NDUFS5: variants seen among roughly 807,000 people sequenced by gnomAD.
The protein encoded by NDUFS5 is NADH dehydrogenase [ubiquinone] iron-sulfur protein 5.
A neutral mutation model predicts 10.5 loss-of-function variants in NDUFS5; 7 were observed. That is an observed-to-expected ratio of 0.66 (90% CI 0.38 to 1.25). The LOEUF is 1.25. Among genes scored for constraint, NDUFS5 ranks in the 50% most tolerant of loss-of-function variants. The pLI, the probability that NDUFS5 is intolerant of heterozygous loss-of-function variation, is 0.02. For synonymous variants in NDUFS5, 38 were observed against 44.0 expected (o/e 0.86, Z 0.54); for missense variants, 148 against 140.7 (o/e 1.05, Z -0.26).
chr1:39,026,792 G>T (rs1456296802), intron 1 of NDUFS5, among the ~76,000 whole-genome samples: 2 of 152,204 alleles, frequency 1.3e-5, no homozygotes, highest in Non-Finnish European at 2.9e-5. Context: ...AGCACTTCCG[G>T]CTGTAACTCC....
At chr1:39,031,334 G>A (rs1557652409) in intron 2 of NDUFS5, among the ~76,000 whole-genome samples, 1 of 151,958 alleles carries the variant, frequency 6.6e-6, no homozygotes, top group Non-Finnish European at 1.5e-5. Flanking sequence ...TTTGAGACAG[G>A]GTCTTGTTCT....
intron 2 of NDUFS5, among the ~76,000 whole-genome samples, chr1:39,033,434 G>A (rs1264801688): frequency 6.6e-6 from 1 of 151,534 alleles, no homozygotes; most frequent in African/African-American, 2.4e-5. Flanking sequence ...TTAGCCGGGT[G>A]TGGTGGCGGG....
intron 2 of NDUFS5, among the ~76,000 whole-genome samples, chr1:39,033,791 C>T (rs1176218479): frequency 2.1e-5 from 3 of 145,524 alleles, no homozygotes; most frequent in Admixed American, 6.9e-5. Flanking sequence ...TGAGCCACCA[C>T]GGCCCAACTT....
rs1557653314 is a variant in NDUFS5, at chr1:39,034,540, T to C, written c.*44T>C. The C allele has an allele frequency of 1.3e-6, 2 of 1,530,602 alleles. No individual in the cohort carries two copies. The highest frequency in any genetic ancestry group is 1.8e-6 in the Non-Finnish European group (2 of 1,105,198). The allele number at this position is 1,530,602 out of a possible 1,614,324, so 94.8% of individuals were successfully genotyped here. A position where few individuals can be genotyped will look rare whatever the true frequency, so the allele number is the denominator to read the frequency against. On this transcript the variant is annotated 3_prime_UTR_variant, in exon 3 of 3. Transcript: ENST00000372969. ...TCTGGAGGCTGATTTTCCTGTTCTC[T>C]GTTCTCCACTGGAAAGGTTGTTTAC... is the stretch of plus-strand genomic sequence containing the variant.
chr1:39,029,219 CAG>C (rs1644173822), intron 2 of NDUFS5, among the ~76,000 whole-genome samples: 1 of 152,062 alleles, frequency 6.6e-6, no homozygotes. Context: ...TCTTGAACTC[CAG>C]ACCTCAGGTG....
intron 2 of NDUFS5, 114 bp downstream of exon 2, chr1:39,029,054 G>A (rs1644172699): frequency 1.1e-5 from 10 of 947,664 alleles, no homozygotes; most frequent in African/African-American, 1.7e-5. Flanking sequence ...GTGTGATGGC[G>A]CCACCTCGTC....
intron 2 of NDUFS5, among the ~76,000 whole-genome samples, chr1:39,033,719 C>G (rs1223962900): frequency 1.3e-5 from 2 of 151,658 alleles, no homozygotes; most frequent in East Asian, 3.9e-4. Flanking sequence ...CCAGGCTGGT[C>G]TTGAACTCCT....
chr1:39,031,268 C>T (rs1304787267), intron 2 of NDUFS5, among the ~76,000 whole-genome samples: 1 of 152,044 alleles, frequency 6.6e-6, no homozygotes, highest in Non-Finnish European at 1.5e-5. Flanking sequence ...ACATTGGCCT[C>T]CCAAAGTGCT....
intron 2 of NDUFS5, among the ~76,000 whole-genome samples, chr1:39,032,129 A>C (rs1380463964): frequency 1.3e-5 from 2 of 151,654 alleles, no homozygotes; most frequent in Non-Finnish European, 2.9e-5. Flanking sequence ...ACTGCACTCC[A>C]TCCAGCCTGA....
At chr1:39,033,051 A>G (rs1190206275) in intron 2 of NDUFS5, among the ~76,000 whole-genome samples, 2 of 152,200 alleles carry the variant, frequency 1.3e-5, no homozygotes, top group Non-Finnish European at 2.9e-5. Context: ...TCCAGGGACC[A>G]GTTCATTGTT....
intron 1 of NDUFS5, among the ~76,000 whole-genome samples, chr1:39,027,449 T>C (rs1555741): frequency 0.7 from 106,859 of 151,926 alleles, 39,681 homozygotes; most frequent in Non-Finnish European, 0.85. Flanking sequence ...TTTCAGTCAT[T>C]TTAGGCAGTC....
intron 1 of NDUFS5, among the ~76,000 whole-genome samples, chr1:39,027,968 C>A (rs1049276071): frequency 1.3e-5 from 2 of 149,010 alleles, no homozygotes; most frequent in Admixed American, 1.3e-4. Context: ...CAGGCATGTG[C>A]CAACACGCCC....
intron 2 of NDUFS5, among the ~76,000 whole-genome samples, chr1:39,034,070 G>A (rs1644212081): frequency 6.6e-6 from 1 of 152,062 alleles, no homozygotes; most frequent in Non-Finnish European, 1.5e-5. Context: ...AAAGTGCTGG[G>A]ATTAAACTTT....
At chr1:39,027,230 C>T (rs1438021412) in intron 1 of NDUFS5, among the ~76,000 whole-genome samples, 2 of 152,078 alleles carry the variant, frequency 1.3e-5, no homozygotes, top group Non-Finnish European at 2.9e-5. Context: ...GCCCCCACGC[C>T]CGGCTAATTT....
chr1:39,029,149 C>T (rs888385509), intron 2 of NDUFS5, among the ~76,000 whole-genome samples: 4 of 151,906 alleles, frequency 2.6e-5, no homozygotes, highest in Non-Finnish European at 4.4e-5. Context: ...CCTGCCACCA[C>T]GCCTGGCTAA....
chr1:39,034,416 A>T lies in NDUFS5; in HGVS notation c.241A>T (p.Lys81Ter). The T allele has an allele frequency of 6.2e-7, 1 of 1,613,562 alleles. No homozygotes were observed. The highest frequency in any genetic ancestry group is 8.5e-7 in the Non-Finnish European group (1 of 1,179,662). Residue 81 changes from lysine (K) to a stop codon, truncating the protein, a stop_gained, in exon 3 of 3, where the codon AAG (lysine) becomes TAG (stop). Transcript: ENST00000372969. LOFTEE classifies it high-confidence loss of function. ...GATGAGACGTGCAGGTACCATCAGGAAGCAGCGGGATAAGCTGATAAAGGA... is the reference window on the plus strand; with the variant it reads ...GATGAGACGTGCAGGTACCATCAGGTAGCAGCGGGATAAGCTGATAAAGGA... ...KTMRRAGTIR[K>*]QRDKLIKEGK...
chr1:39,026,507 A>G (rs1017790620), intron 1 of NDUFS5, 105 bp downstream of exon 1: 39 of 152,310 alleles, frequency 2.6e-4, no homozygotes, highest in African/African-American at 9.4e-4. Flanking sequence ...CTTCTCCCAG[A>G]CCTGAACTCA....
Position 39,031,512 on chromosome 1 carries a change from C to T in NDUFS5, c.216+2572C>T, listed in dbSNP as rs542690335. 3.9e-5 allele frequency among the ~76,000 whole-genome samples: 6 copies of T among 152,202 alleles called. No individual in the cohort carries two copies. The East Asian group carries it at 1.2e-3, about 29-fold the overall frequency. On this transcript the variant is annotated intron_variant, in intron 2 of 2. Coordinates refer to ENST00000372969, the MANE Select transcript of NDUFS5 (RefSeq NM_004552.3). Reference sequence around the variant, plus strand: ...ATAGAGACAAGGTTTTGCTATGTTTCCTTTGCTGATCTTGAACTCCTGGCC... The same window carrying T: ...ATAGAGACAAGGTTTTGCTATGTTTTCTTTGCTGATCTTGAACTCCTGGCC...
intron 1 of NDUFS5, among the ~76,000 whole-genome samples, chr1:39,026,667 A>G (rs1156349914): frequency 3.3e-5 from 5 of 152,148 alleles, no homozygotes; most frequent in Admixed American, 6.5e-5. Flanking sequence ...AAAGTCTACG[A>G]TCCTTATCCC....
Sources: gnomAD v4.1 joint callset for allele counts (sites outside exome capture counted in the v4.1 genomes callset) on GRCh38, gnomAD v4.1.1 for gene constraint, MANE v1.5 for transcripts, NCBI Gene and HGNC (gene_info 2026-07-23, HGNC 2026-07-21) for gene names.